ANO3: variants seen among roughly 807,000 people sequenced by gnomAD.
ANO3 encodes anoctamin 3.
Under a neutral mutation model 144.8 loss-of-function variants are expected in ANO3, and 99 were observed. The observed-to-expected ratio is 0.68, with a 90% CI of 0.58 to 0.81. The LOEUF is 0.81. Among genes scored for constraint, ANO3 ranks in the 30% least tolerant of loss-of-function variants. The pLI, the probability that ANO3 is intolerant of heterozygous loss-of-function variation, is 0.00. For missense variants in ANO3, 905 were observed against 1,202.2 expected (o/e 0.75, Z 3.66); for synonymous variants, 414 against 392.6 (o/e 1.05, Z -0.64).
intron 24 of ANO3, among the ~76,000 whole-genome samples, chr11:26,655,537 C>T (rs973506614): frequency 3.3e-5 from 5 of 152,088 alleles, no homozygotes; most frequent in African/African-American, 9.7e-5. Context: ...TTTCATAGCA[C>T]TTACTGCATT....
chr11:26,301,540 A>G (rs1299976124), intron 1 of ANO3, among the ~76,000 whole-genome samples: 1 of 152,170 alleles, frequency 6.6e-6, no homozygotes, highest in African/African-American at 2.4e-5. Context: ...TGCTCCAAGG[A>G]TTACAATTCC....
chr11:26,553,842 G>A (rs1565099784), intron 13 of ANO3, among the ~76,000 whole-genome samples: 1 of 152,084 alleles, frequency 6.6e-6, no homozygotes, highest in East Asian at 1.9e-4. Context: ...CATGAATATC[G>A]GTGTATTTCA....
chr11:26,523,873 A>G (rs1453816240), intron 6 of ANO3, among the ~76,000 whole-genome samples: 1 of 152,196 alleles, frequency 6.6e-6, no homozygotes, highest in Non-Finnish European at 1.5e-5. Context: ...TTATTTTATA[A>G]TATTCCTAAC....
At chr11:26,599,495 T>G in intron 16 of ANO3, 55 bp from the exon 17 acceptor site, 1 of 1,565,952 alleles carries the variant, frequency 6.4e-7, no homozygotes, top group South Asian at 1.2e-5. Flanking sequence ...GGTTTTGCTT[T>G]TGACTTGTTA....
chr11:26,540,828 A>G (rs916717622), intron 10 of ANO3, among the ~76,000 whole-genome samples: 3 of 152,184 alleles, frequency 2.0e-5, no homozygotes, highest in African/African-American at 7.2e-5. Context: ...AGAAATAGGA[A>G]GGCCTTTACA....
At chr11:26,402,749 A>G (rs1483634966) in intron 1 of ANO3, among the ~76,000 whole-genome samples, 1 of 151,926 alleles carries the variant, frequency 6.6e-6, no homozygotes, top group Non-Finnish European at 1.5e-5. Context: ...AAGACAAATA[A>G]CTAATGGATA....
At chr11:26,232,584 C>A (rs34136348) in intron 1 of ANO3, among the ~76,000 whole-genome samples, 54,599 of 151,624 alleles carry the variant, frequency 0.36, 10,890 homozygotes, top group Non-Finnish European at 0.44. Flanking sequence ...ATCCATATGC[C>A]AAATCTGAAA....
intron 1 of ANO3, among the ~76,000 whole-genome samples, chr11:26,438,983 T>C (rs1382648288): frequency 1.3e-5 from 2 of 152,198 alleles, no homozygotes; most frequent in South Asian, 4.1e-4. Flanking sequence ...GGCATAGGAA[T>C]GGACATATAG....
In ANO3 at chr11:26,395,817, C is replaced by T. The variant is rs551621766; in HGVS notation, c.47-46101C>T. 9.2e-5 allele frequency among the ~76,000 whole-genome samples: 14 copies of T among 152,130 alleles called. No homozygotes were observed. In the South Asian group the frequency reaches 1.7e-3, roughly 18 times the overall value. ...ACGCAAGATAGATTAAAGACTTAAACGTAAGACCTAAAACCATAAAAACCC... is the reference window on the plus strand; with the variant it reads ...ACGCAAGATAGATTAAAGACTTAAATGTAAGACCTAAAACCATAAAAACCC... On this transcript the variant is annotated intron_variant, in intron 1 of 26. Coordinates refer to ENST00000256737, the MANE Select transcript of ANO3 (RefSeq NM_031418.4).
At chr11:26,640,674 C>T (rs10835036) in intron 21 of ANO3, among the ~76,000 whole-genome samples, 57,421 of 151,840 alleles carry the variant, frequency 0.38, 11,723 homozygotes, top group South Asian at 0.49. Context: ...TTCATTATGG[C>T]CTTGCGCTAG....
intron 1 of ANO3, among the ~76,000 whole-genome samples, chr11:26,357,375 A>C (rs568022037): frequency 1.6e-4 from 24 of 152,146 alleles, no homozygotes; most frequent in Non-Finnish European, 3.1e-4. Context: ...TTATAAACTC[A>C]CTCACTACAT....
In ANO3 at chr11:26,334,672, G is replaced by A. The variant is rs533504743; in HGVS notation, c.46+2351G>A. Among the ~76,000 whole-genome samples, 5 of 152,294 alleles carry A rather than the reference G, an allele frequency of 3.3e-5. No homozygotes were observed. The South Asian group carries it at 1.0e-3, about 32-fold the overall frequency. ...CTTCCTCTGTTTAATGGGAGGGACGGTTTGCATATGAAGGCAGAGATGATT... is the reference window on the plus strand; with the variant it reads ...CTTCCTCTGTTTAATGGGAGGGACGATTTGCATATGAAGGCAGAGATGATT... On this transcript the variant is annotated intron_variant, in intron 1 of 26. Transcript: ENST00000256737.
intron 1 of ANO3, among the ~76,000 whole-genome samples, chr11:26,294,306 T>G (rs1433964569): frequency 6.6e-6 from 1 of 152,214 alleles, no homozygotes; most frequent in Non-Finnish European, 1.5e-5. Context: ...TGTATTTTAG[T>G]GTTTATCCAC....
rs1263509330 is a variant in ANO3, at chr11:26,646,745, C to A, written c.2429-964C>A. 5.3e-5 allele frequency among the ~76,000 whole-genome samples: 8 copies of A among 152,176 alleles called. No homozygotes were observed. In the East Asian group the frequency reaches 1.4e-3, roughly 26 times the overall value. On this transcript the variant is annotated intron_variant, in intron 23 of 26. Coordinates refer to ENST00000256737, the MANE Select transcript of ANO3 (RefSeq NM_031418.4). ...TAACATCTTAGGATCTTTTTGTATA[C>A]TAGGCATGTTAACCCTTTGTCGGTT...
chr11:26,209,793 A>G (rs1176795488), intron 1 of ANO3, among the ~76,000 whole-genome samples: 1 of 151,770 alleles, frequency 6.6e-6, no homozygotes, highest in African/African-American at 2.4e-5. Flanking sequence ...TCTTCTTTTG[A>G]TAAGTGTCTG....
intron 9 of ANO3, 23 bp downstream of exon 9, chr11:26,534,585 G>C: frequency 6.6e-7 from 1 of 1,507,584 alleles, no homozygotes; most frequent in Non-Finnish European, 9.2e-7. Context: ...ATTAATAACA[G>C]AGTAGAACTT....
chr11:26,360,019 T>C (rs1855882683), intron 1 of ANO3, among the ~76,000 whole-genome samples: 2 of 151,932 alleles, frequency 1.3e-5, no homozygotes, highest in Non-Finnish European at 2.9e-5. Context: ...ATGAATAATA[T>C]AAGTTCTAAT....
chr11:26,626,756 T>A (rs1852598150), intron 18 of ANO3, among the ~76,000 whole-genome samples: 1 of 151,800 alleles, frequency 6.6e-6, no homozygotes, highest in Non-Finnish European at 1.5e-5. Flanking sequence ...CTCTTTACAT[T>A]CGGATGTTTC....
At chr11:26,374,180 T>TA (rs1856340324) in intron 1 of ANO3, among the ~76,000 whole-genome samples, 11 of 152,242 alleles carry the variant, frequency 7.2e-5, no homozygotes, top group Admixed American at 7.2e-4. Context: ...TTAATATCTA[T>TA]ATTCCTTTTA....
Sources: allele counts gnomAD v4.1 joint callset (sites outside exome capture counted in the v4.1 genomes callset), GRCh38; gene constraint gnomAD v4.1.1; transcripts MANE v1.5; gene names NCBI Gene and HGNC (gene_info 2026-07-23, HGNC 2026-07-21).